MARCHF4: variants seen among roughly 807,000 people sequenced by gnomAD.
MARCHF4 encodes membrane associated ring-CH-type finger 4.
A neutral mutation model predicts 43.9 loss-of-function variants in MARCHF4; 14 were observed. The ratio of observed to expected loss-of-function variants is 0.32; its 90% CI spans 0.21 to 0.50. The LOEUF is 0.50. Among genes scored for constraint, MARCHF4 ranks in the 20% least tolerant of loss-of-function variants. MARCHF4 has a pLI of 0.98. For missense variants in MARCHF4, 468 were observed against 536.7 expected, an observed-to-expected ratio of 0.87 and a Z score of 1.27; for synonymous variants, 226 against 213.3, an observed-to-expected ratio of 1.06 and a Z score of -0.52.
chr2:216,363,443 G>A (rs1456020439), intron 1 of MARCHF4, among the ~76,000 whole-genome samples: 3 of 152,226 alleles, frequency 2.0e-5, no homozygotes, highest in Non-Finnish European at 4.4e-5. Flanking sequence ...GTTTGTACAT[G>A]TAAGATAGCT....
chr2:216,275,162 A>G (rs985343300), intron 3 of MARCHF4, among the ~76,000 whole-genome samples: 2 of 152,246 alleles, frequency 1.3e-5, no homozygotes, highest in African/African-American at 4.8e-5. Context: ...AAATTGAAGG[A>G]CTGAGTGCCA....
intron 1 of MARCHF4, among the ~76,000 whole-genome samples, chr2:216,342,923 G>T (rs1304332457): frequency 1.3e-5 from 2 of 152,078 alleles, no homozygotes; most frequent in Non-Finnish European, 2.9e-5. Flanking sequence ...GTAGTGACAA[G>T]CATGAGAGCA....
rs1379172316 is a variant in MARCHF4 at position 216,370,037 on chromosome 2, G to A, written c.224C>T (p.Ala75Val). 6.4e-7 allele frequency: 1 copy of A among 1,550,450 alleles called. No homozygotes were observed. Among genetic ancestry groups the A allele is most frequent in the Admixed American group, 1.9e-5 (1 of 51,376 alleles). The change falls in exon 1 of 4, where the codon GCC becomes GTC. Residue 75 changes from alanine (A) to valine (V), a missense_variant. Physicochemically the swap from Ala to Val is moderately conservative, Grantham distance 64. Coordinates refer to ENST00000273067, the MANE Select transcript of MARCHF4 (RefSeq NM_020814.3). Reference protein sequence around the residue: ...HGDPQPPGLAANNTLPALGAG... With the variant: ...HGDPQPPGLAVNNTLPALGAG... ...GCCCAGAGCCGGAAGGGTGTTGTTGGCCGCCAAACCGGGGGGCTGGGGGTC... is the reference window on the plus strand; with the variant it reads ...GCCCAGAGCCGGAAGGGTGTTGTTGACCGCCAAACCGGGGGGCTGGGGGTC...
intron 1 of MARCHF4, among the ~76,000 whole-genome samples, chr2:216,343,865 A>C (rs540360092): frequency 1.3e-5 from 2 of 152,206 alleles, no homozygotes; most frequent in Non-Finnish European, 2.9e-5. Context: ...AGTAGCTAGA[A>C]GTACTATCTG....
intron 1 of MARCHF4, among the ~76,000 whole-genome samples, chr2:216,325,387 T>A (rs1037694095): frequency 2.6e-5 from 4 of 152,224 alleles, no homozygotes; most frequent in African/African-American, 4.8e-5. Context: ...ATGGCCATAC[T>A]GCCCAAGGTA....
At chr2:216,314,028 A>G (rs4674073) in intron 1 of MARCHF4, among the ~76,000 whole-genome samples, 61,226 of 151,922 alleles carry the variant, frequency 0.4, 13,216 homozygotes, top group Middle Eastern at 0.52. Context: ...CTAACTTCTC[A>G]GTGCCAGGTG....
intron 3 of MARCHF4, among the ~76,000 whole-genome samples, chr2:216,263,925 C>T (rs922516838): frequency 2.6e-5 from 4 of 152,134 alleles, no homozygotes; most frequent in African/African-American, 9.7e-5. Flanking sequence ...GAGAGTGAGG[C>T]TGCCAGGAGC....
intron 1 of MARCHF4, among the ~76,000 whole-genome samples, chr2:216,289,242 C>CCCCCCA (rs1559090621): frequency 1.4e-5 from 2 of 138,142 alleles, no homozygotes; most frequent in Admixed American, 7.3e-5. Flanking sequence ...CACCCGCCCC[C>CCCCCCA]CACCCAAGTT....
At chr2:216,276,354 C>T (rs1454923110) in intron 3 of MARCHF4, among the ~76,000 whole-genome samples, 1 of 152,100 alleles carries the variant, frequency 6.6e-6, no homozygotes, top group East Asian at 1.9e-4. Context: ...TAGAATGCAT[C>T]AATGTCAAAT....
intron 1 of MARCHF4, among the ~76,000 whole-genome samples, chr2:216,342,931 G>A (rs73988376): frequency 0.056 from 8,496 of 152,106 alleles, 802 homozygotes; most frequent in African/African-American, 0.19. Context: ...AAGCATGAGA[G>A]CAAGGTGGGG....
intron 1 of MARCHF4, among the ~76,000 whole-genome samples, chr2:216,368,179 A>T (rs1482882524): frequency 6.6e-6 from 1 of 152,210 alleles, no homozygotes; most frequent in Non-Finnish European, 1.5e-5. Context: ...GGAATTTAGG[A>T]AGCCAAATAA....
At chr2:216,344,806 G>C (rs762116259) in intron 1 of MARCHF4, among the ~76,000 whole-genome samples, 2 of 151,968 alleles carry the variant, frequency 1.3e-5, no homozygotes, top group South Asian at 2.1e-4. Context: ...GTGTGGGTGC[G>C]AGCGGAGGTG....
chr2:216,350,388 C>G (rs1260419941), intron 1 of MARCHF4, among the ~76,000 whole-genome samples: 2 of 150,312 alleles, frequency 1.3e-5, no homozygotes, highest in Admixed American at 1.3e-4. Flanking sequence ...CCACATCCCT[C>G]ACCATGCCAC....
At chr2:216,348,163 G>A (rs967114490) in intron 1 of MARCHF4, among the ~76,000 whole-genome samples, 1 of 150,178 alleles carries the variant, frequency 6.7e-6, no homozygotes, top group Non-Finnish European at 1.5e-5. Context: ...TCAGCCTCCC[G>A]AGTAGCTGGG....
chr2:216,275,852 C>T (rs1447355320), intron 3 of MARCHF4, among the ~76,000 whole-genome samples: 1 of 152,102 alleles, frequency 6.6e-6, no homozygotes, highest in Admixed American at 6.5e-5. Flanking sequence ...AGATGCATTG[C>T]AAGTTTCCAC....
chr2:216,365,589 C>A (rs527622345), intron 1 of MARCHF4, among the ~76,000 whole-genome samples: 1 of 152,242 alleles, frequency 6.6e-6, no homozygotes, highest in East Asian at 1.9e-4. Context: ...ATCTGTCTAA[C>A]CTCAGTCTTG....
At chr2:216,267,480 T>C (rs1039780059) in intron 3 of MARCHF4, among the ~76,000 whole-genome samples, 2 of 152,152 alleles carry the variant, frequency 1.3e-5, no homozygotes, top group Admixed American at 6.5e-5. Context: ...AGCCCAGAGA[T>C]GGAAGGAGTT....
intron 1 of MARCHF4, among the ~76,000 whole-genome samples, chr2:216,358,411 C>T (rs1692532180): frequency 6.6e-6 from 1 of 152,104 alleles, no homozygotes; most frequent in Non-Finnish European, 1.5e-5. Context: ...CCTTTAATGT[C>T]CAGTTTTTAG....
chr2:216,307,915 G>T (rs1691616156), intron 1 of MARCHF4, among the ~76,000 whole-genome samples: 1 of 152,056 alleles, frequency 6.6e-6, no homozygotes, highest in Non-Finnish European at 1.5e-5. Flanking sequence ...ACTTAGCTAG[G>T]CATGGTGGCA....
Sources: gnomAD v4.1 joint callset for allele counts (sites outside exome capture counted in the v4.1 genomes callset) on GRCh38, gnomAD v4.1.1 for gene constraint, MANE v1.5 for transcripts, NCBI Gene and HGNC (gene_info 2026-07-23, HGNC 2026-07-21) for gene names.